The following MTERF4 variants were observed in gnomAD, a reference collection of about 807,000 sequenced individuals.
MTERF4 encodes mitochondrial transcription termination factor 4.
MTERF4 carries 17 observed loss-of-function variants against 22.5 expected under a neutral mutation model. That is an observed-to-expected ratio of 0.75 (90% CI 0.52 to 1.13). The LOEUF (loss-of-function observed/expected upper bound fraction) is 1.13, where lower values mean the gene tolerates loss of function less well. Among genes scored for constraint, MTERF4 ranks in the 50% most tolerant of loss-of-function variants. The pLI, the probability that MTERF4 is intolerant of heterozygous loss-of-function variation, is 0.00. For synonymous variants in MTERF4, 165 were observed against 175.3 expected (o/e 0.94, Z 0.47); for missense variants, 420 against 466.8 (o/e 0.90, Z 0.92).
At chr2:241,078,177 G>A (rs930225401) in intron 4 of MTERF4, among the ~76,000 whole-genome samples, 6 of 151,842 alleles carry the variant, frequency 4.0e-5, no homozygotes, top group African/African-American at 4.9e-5. Context: ...CAGGTCAGGC[G>A]TTCGAGACAA....
At chr2:241,055,254 A>T in the MTERF4 span, among the ~76,000 whole-genome samples, 2 of 152,262 alleles carry the variant, frequency 1.3e-5, no homozygotes, top group African/African-American at 4.8e-5. Flanking sequence ...AGAGTTCCAG[A>T]TGAACAGCAG....
chr2:241,088,475 ATC>A, downstream of MTERF4: 1 of 1,234,480 alleles, frequency 8.1e-7, no homozygotes, highest in Non-Finnish European at 1.2e-6. Flanking sequence ...CAGCCCCGGG[ATC>A]TCAGAGTGCC....
intron 1 of MTERF4, 164 bp from the exon 2 acceptor site, chr2:241,100,058 G>T (rs758617446): frequency 1.3e-5 from 11 of 820,476 alleles, no homozygotes; most frequent in Admixed American, 3.1e-5. Context: ...TACAGAGAAG[G>T]AAGCTCACAA....
At chr2:241,068,017 A>G (rs1197630021), downstream of MTERF4, 4 of 1,403,282 alleles carry the variant, frequency 2.9e-6, no homozygotes, top group Non-Finnish European at 3.9e-6. This position sits in a 1 kb window ranked among gnomAD's most constrained non-coding sequence, Gnocchi z 5.3. Flanking sequence ...CACGGGGCCC[A>G]GGTCTCGGGC....
downstream of MTERF4, chr2:241,071,697 C>T (rs375264409): frequency 2.1e-5 from 32 of 1,521,242 alleles, no homozygotes; most frequent in African/African-American, 1.8e-4. Flanking sequence ...ACAGCGCCCC[C>T]GAGACCCCCA....
chr2:241,047,885 T>G, the MTERF4 span, among the ~76,000 whole-genome samples: 1 of 152,018 alleles, frequency 6.6e-6, no homozygotes, highest in Non-Finnish European at 1.5e-5. Flanking sequence ...TCTTGTTCTG[T>G]CCAATCCTGG....
downstream of MTERF4, chr2:241,068,777 AG>A (rs1360696248): frequency 1.6e-6 from 1 of 636,552 alleles, no homozygotes; most frequent in Non-Finnish European, 2.8e-6. This position sits in a 1 kb window ranked among gnomAD's most constrained non-coding sequence, Gnocchi z 5.3. Context: ...CCCCTCGTGG[AG>A]GTTGCCTGGG....
At position 241,096,784 on chromosome 2, in the gene MTERF4, C is replaced by G. The variant is rs578230248; in HGVS notation, c.706-346G>C. On this transcript the variant is annotated intron_variant, in intron 3 of 3. Transcript: ENST00000391980. This position sits in a 1 kb window ranked among gnomAD's most constrained non-coding sequence, Gnocchi z 5.1. ...AACATTCAGAAAACATCTAGAAATT[C>G]GACCTAAGTTGTCATAATTATTACC... The G allele has an allele frequency of 1.9e-6, 1 of 519,022 alleles. No individual in the cohort carries two copies. Among genetic ancestry groups the G allele is most frequent in the Non-Finnish European group, 3.6e-6 (1 of 279,522 alleles). The allele number at this position is 519,022 out of a possible 1,614,324, so 32.2% of individuals were successfully genotyped here. A position where few individuals can be genotyped will look rare whatever the true frequency, so the allele number is the denominator to read the frequency against.
In MTERF4 at chr2:241,095,867, T is replaced by C. The variant is rs1248590942; in HGVS notation, c.*131A>G. 2 of 1,490,198 alleles carry C rather than the reference T, an allele frequency of 1.3e-6. No homozygotes were observed. Among genetic ancestry groups the C allele is most frequent in the Admixed American group, 4.6e-5 (2 of 43,946 alleles). The allele number at this position is 1,490,198 out of a possible 1,614,324, so 92.3% of individuals were successfully genotyped here. A position where few individuals can be genotyped will look rare whatever the true frequency, so the allele number is the denominator to read the frequency against. ...TGCCTCTCAGGTGACTTATAATTTT[T>C]TTCATCAAGAGACCAGTTTTAGAAT... On this transcript the variant is annotated 3_prime_UTR_variant, in exon 4 of 4. Transcript: ENST00000391980.
At chr2:241,044,328 A>C in the MTERF4 span, among the ~76,000 whole-genome samples, 1 of 152,236 alleles carries the variant, frequency 6.6e-6, no homozygotes, top group South Asian at 2.1e-4. Context: ...GTATAAAGAC[A>C]CAGGTAATTG....
At chr2:241,099,182 T>G (rs1288254196) in intron 2 of MTERF4, 15 of 529,184 alleles carry the variant, frequency 2.8e-5, no homozygotes, top group African/African-American at 1.9e-5. Context: ...TCAAGCGATT[T>G]TCATGCCTCA....
At chr2:241,087,621 G>A (rs1057471124), downstream of MTERF4, 18 of 1,440,006 alleles carry the variant, frequency 1.2e-5, no homozygotes, top group Middle Eastern at 2.6e-4. Flanking sequence ...GGGCAGCCAC[G>A]TTCTGCTACG....
chr2:241,087,756 G>A (rs2063659941), downstream of MTERF4: 1 of 1,226,942 alleles, frequency 8.2e-7, no homozygotes, highest in Non-Finnish European at 1.0e-6. Context: ...CAATTGGGAA[G>A]CACAGGGTGT....
the MTERF4 span, among the ~76,000 whole-genome samples, chr2:241,059,683 A>G: frequency 6.7e-4 from 102 of 152,384 alleles, no homozygotes; most frequent in African/African-American, 2.4e-3. Context: ...AGAAAACTAT[A>G]TATCTCAATA....
In MTERF4 at chr2:241,073,587, C is replaced by T. The variant is rs1378143071; in HGVS notation, n.2575G>A. 1 of 590,522 alleles carries T rather than the reference C, an allele frequency of 1.7e-6. No homozygotes were observed. The highest frequency in any genetic ancestry group is 2.9e-5 in the Admixed American group (1 of 34,244). 36.6% of individuals were successfully genotyped at this position (590,522 alleles called of 1,614,324 possible). A position where few individuals can be genotyped will look rare whatever the true frequency, so the allele number is the denominator to read the frequency against. ...CGGGAACAGGCCAGGGGGCAGGACC[C>T]ACCCAAACCACCCAGAGTCTGAGCT... On this transcript the variant is annotated non_coding_transcript_exon_variant, in exon 5 of 5. Transcript: ENST00000464344. This position sits in a 1 kb window ranked among gnomAD's most constrained non-coding sequence, Gnocchi z 6.6.
chr2:241,060,950 A>T, the MTERF4 span, among the ~76,000 whole-genome samples: 1 of 152,162 alleles, frequency 6.6e-6, no homozygotes, highest in Non-Finnish European at 1.5e-5. Context: ...AACCAAAAAA[A>T]ACTATATAAT....
chr2:241,052,025 T>G, the MTERF4 span: 2 of 1,611,210 alleles, frequency 1.2e-6, no homozygotes, highest in Non-Finnish European at 1.7e-6. Flanking sequence ...GACCCTGACC[T>G]GGCTTCTGTT....
At chr2:241,056,415 T>C in the MTERF4 span, among the ~76,000 whole-genome samples, 1 of 150,424 alleles carries the variant, frequency 6.6e-6, no homozygotes, top group Non-Finnish European at 1.5e-5. Flanking sequence ...TGTGCCCAGC[T>C]GAAATGAATA....
the MTERF4 span, chr2:241,049,196 C>T: frequency 9.0e-6 from 12 of 1,336,808 alleles, no homozygotes; most frequent in South Asian, 1.2e-5. Flanking sequence ...AGGGAGAAAG[C>T]GGTGGATGAG....
Sources: allele counts gnomAD v4.1 joint callset (sites outside exome capture counted in the v4.1 genomes callset), GRCh38; gene constraint gnomAD v4.1.1; non-coding constraint Gnocchi (gnomAD v3.1); transcripts MANE v1.5; gene names NCBI Gene and HGNC (gene_info 2026-07-23, HGNC 2026-07-21).